The following ALDH2 variants were observed in gnomAD, a reference collection of about 807,000 sequenced individuals.
The protein encoded by ALDH2 is aldehyde dehydrogenase, mitochondrial.
In ALDH2, 44 loss-of-function variants were observed where a neutral mutation model predicts 59.6. That is an observed-to-expected ratio of 0.74 (90% CI 0.58 to 0.95). The LOEUF (loss-of-function observed/expected upper bound fraction) is 0.95. Among genes scored for constraint, ALDH2 ranks in the 40% least tolerant of loss-of-function variants. The probability of loss-of-function intolerance (pLI) is 0.00; values close to 1 mark genes in which losing one functional copy is unlikely to be tolerated. For missense variants in ALDH2, 570 were observed against 696.3 expected (o/e 0.82, Z 2.04); for synonymous variants, 291 against 284.0 (o/e 1.02, Z -0.25).
chr12:111,790,254 CGTT>C (rs1388554975), intron 5 of ALDH2, among the ~76,000 whole-genome samples, 177 bp from the exon 6 acceptor site: 1 of 152,156 alleles, frequency 6.6e-6, no homozygotes. Context: ...AGTCTGTCAT[CGTT>C]GTGCACCGCC....
intron 4 of ALDH2, among the ~76,000 whole-genome samples, chr12:111,789,340 A>G (rs1383115929): frequency 6.6e-6 from 1 of 151,622 alleles, no homozygotes; most frequent in Non-Finnish European, 1.5e-5. Context: ...TAAAAAAAAC[A>G]AAGAAGGTCA....
intron 7 of ALDH2, among the ~76,000 whole-genome samples, chr12:111,791,690 C>T (rs1196240912): frequency 6.6e-6 from 1 of 152,172 alleles, no homozygotes; most frequent in Non-Finnish European, 1.5e-5. Context: ...GACCGCTTGC[C>T]CCAAATCAAA....
intron 1 of ALDH2, among the ~76,000 whole-genome samples, chr12:111,767,685 C>T (rs1057156574): frequency 3.3e-5 from 5 of 152,182 alleles, no homozygotes; most frequent in African/African-American, 1.2e-4. Flanking sequence ...GCTTCCAACG[C>T]CGGCTTCGAC....
At chr12:111,790,241 G>GT (rs2068346947) in intron 5 of ALDH2, among the ~76,000 whole-genome samples, 193 bp from the exon 6 acceptor site, 1 of 152,186 alleles carries the variant, frequency 6.6e-6, no homozygotes, top group Admixed American at 6.5e-5. Context: ...ACGGATAAAT[G>GT]TGAGTCTGTC....
chr12:111,796,509 A>G (rs1173912529), intron 9 of ALDH2, among the ~76,000 whole-genome samples: 1 of 152,094 alleles, frequency 6.6e-6, no homozygotes. Flanking sequence ...CTCTTTTTAA[A>G]AAAAGGTATT....
At chr12:111,791,684 G>A (rs1481585906) in intron 7 of ALDH2, among the ~76,000 whole-genome samples, 11 of 152,186 alleles carry the variant, frequency 7.2e-5, no homozygotes, top group African/African-American at 2.2e-4. Flanking sequence ...AGAGCTGACC[G>A]CTTGCCCCAA....
intron 3 of ALDH2, among the ~76,000 whole-genome samples, chr12:111,784,130 A>G (rs754360563): frequency 2.6e-5 from 4 of 152,216 alleles, no homozygotes; most frequent in Non-Finnish European, 5.9e-5. Context: ...AGCCTGTAAC[A>G]TGGCAAGATC....
chr12:111,770,411 G>T (rs550193631), intron 1 of ALDH2, among the ~76,000 whole-genome samples: 42 of 152,298 alleles, frequency 2.8e-4, no homozygotes, highest in Admixed American at 2.1e-3. Context: ...TGGTAAAGTA[G>T]AATGGGAGTT....
rs762718195 is a variant in ALDH2, at chr12:111,789,897, G to A, written c.515G>A (p.Arg172His). Residue 172 changes from arginine (R) to histidine (H), a missense_variant, in exon 5 of 13, where the codon CGC becomes CAC. Coordinates refer to ENST00000261733, the MANE Select transcript of ALDH2 (RefSeq NM_000690.4). ...GACGGAGACTTCTTCAGCTACACAC[G>A]CCATGAACCTGTGGGGGTGTGCGGG... ...PIDGDFFSYT[R>H]HEPVGVCGQI... 2.5e-6 allele frequency: 4 copies of A among 1,614,144 alleles called. No individual in the cohort carries two copies. The highest frequency in any genetic ancestry group is 2.2e-5 in the East Asian group (1 of 44,892).
intron 4 of ALDH2, among the ~76,000 whole-genome samples, chr12:111,786,201 G>A (rs1039892489): frequency 6.6e-6 from 1 of 152,064 alleles, no homozygotes; most frequent in African/African-American, 2.4e-5. Context: ...TTTGGGTTTG[G>A]TTTAATCAAA....
intron 4 of ALDH2, among the ~76,000 whole-genome samples, chr12:111,788,879 C>G (rs969210264): frequency 6.6e-6 from 1 of 152,144 alleles, no homozygotes; most frequent in African/African-American, 2.4e-5. Flanking sequence ...GTGACATGTG[C>G]CTGTAGTCTC....
chr12:111,798,991 A>G (rs963449629), intron 10 of ALDH2, among the ~76,000 whole-genome samples: 1 of 150,812 alleles, frequency 6.6e-6, no homozygotes, highest in Non-Finnish European at 1.5e-5. Flanking sequence ...CCTAGGCAAC[A>G]GAGCGGGACT....
chr12:111,802,437 C>T (rs1252524026), intron 11 of ALDH2, among the ~76,000 whole-genome samples: 5 of 149,766 alleles, frequency 3.3e-5, no homozygotes, highest in East Asian at 4.0e-4. Context: ...AAAAATTAGC[C>T]GGGCGCAGTG....
intron 1 of ALDH2, among the ~76,000 whole-genome samples, chr12:111,779,919 T>A (rs2068260383): frequency 6.6e-6 from 1 of 152,138 alleles, no homozygotes; most frequent in African/African-American, 2.4e-5. Context: ...GAGACGGAGT[T>A]TCACTCTCGT....
rs375845001 is a variant in ALDH2, at chr12:111,783,185, G to T, written c.247G>T (p.Ala83Ser). ...KEDVDKAVKA[A>S]RAAFQLGSPW... ...AGATGTGGACAAGGCAGTGAAGGCC[G>T]CCCGGGCCGCCTTCCAGCTGGGCTC... The change falls in exon 3 of 13, where the codon GCC (alanine) becomes TCC (serine). Residue 83 changes from alanine to serine, a missense_variant. Coordinates refer to ENST00000261733, the MANE Select transcript of ALDH2 (RefSeq NM_000690.4). 1 of 1,612,660 alleles carries T rather than the reference G, an allele frequency of 6.2e-7. No homozygotes were observed. Among genetic ancestry groups the T allele is most frequent in the Non-Finnish European group, 8.5e-7 (1 of 1,179,168 alleles).
chr12:111,813,087 A>C lies in ALDH2; in HGVS notation c.*3512A>C, dbSNP rs1276824340. 6.6e-6 allele frequency: 1 copy of C among 152,220 alleles called. No individual in the cohort carries two copies. The highest frequency in any genetic ancestry group is 1.5e-5 in the Non-Finnish European group (1 of 68,030). The allele number at this position is 152,220 out of a possible 1,614,324, so 9.4% of individuals were successfully genotyped here. On this transcript the variant is annotated 3_prime_UTR_variant, in exon 13 of 13. Transcript: ENST00000261733. ...AACCTAGACACATTAATCTCCTTGC[A>C]CTTTTAGTGACAGGAACCCATTAGA...
intron 1 of ALDH2, among the ~76,000 whole-genome samples, chr12:111,780,863 C>T (rs1181337862): frequency 1.3e-5 from 2 of 152,172 alleles, no homozygotes; most frequent in Admixed American, 1.3e-4. Context: ...TGACTCACAC[C>T]TGCAATCCCA....
At chr12:111,772,898 C>T (rs2068211509) in intron 1 of ALDH2, among the ~76,000 whole-genome samples, 2 of 150,890 alleles carry the variant, frequency 1.3e-5, no homozygotes, top group African/African-American at 4.8e-5. Flanking sequence ...CAGCTCATGC[C>T]CTGGCATAAG....
At chr12:111,768,474 TA>T (rs1437405628) in intron 1 of ALDH2, among the ~76,000 whole-genome samples, 1 of 152,228 alleles carries the variant, frequency 6.6e-6, no homozygotes, top group Non-Finnish European at 1.5e-5. Context: ...TAACACAAGC[TA>T]AAAAGGCAGC....
Sources: gnomAD v4.1 joint callset for allele counts (sites outside exome capture counted in the v4.1 genomes callset) on GRCh38, gnomAD v4.1.1 for gene constraint, MANE v1.5 for transcripts, NCBI Gene and HGNC (gene_info 2026-07-23, HGNC 2026-07-21) for gene names.